Variants in CYBA observed in about 807,000 individuals in gnomAD.
CYBA encodes the protein cytochrome b-245 alpha chain.
CYBA carries 21 observed loss-of-function variants against 20.8 expected under a neutral mutation model. The observed-to-expected ratio is 1.01, with a 90% CI of 0.72 to 1.46. CYBA has a LOEUF of 1.46. Ranked by LOEUF, CYBA falls within the 40% of genes most tolerant of loss-of-function variation. CYBA has a pLI of 0.00. For synonymous variants in CYBA, 164 were observed against 127.5 expected (o/e 1.29, Z -1.93); for missense variants, 344 against 287.0 (o/e 1.20, Z -1.43).
Position 88,643,399 on chromosome 16 carries a change from C to A in CYBA, c.542G>T (p.Gly181Val). 1 of 1,533,832 alleles carries A rather than the reference C, an allele frequency of 6.5e-7. No individual in the cohort carries two copies. The highest frequency in any genetic ancestry group is 8.7e-7 in the Non-Finnish European group (1 of 1,143,190). The change falls in exon 6 of 6, where the codon GGA (glycine) becomes GTA (valine). Residue 181 changes from glycine (G) to valine (V), a missense_variant. Coordinates refer to ENST00000261623, the MANE Select transcript of CYBA (RefSeq NM_000101.4). This position sits in a 1 kb window ranked among gnomAD's most constrained non-coding sequence, Gnocchi z 4.3. ...EAAVAAGGPP[G>V]GPQVNPIPVT... ...CGGGATGGGGTTGACCTGGGGACCT[C>A]CCGGGGGTCCCCCCGCCGCCACCGC... is the stretch of plus-strand genomic sequence containing the variant.
chr16:88,644,964 G>A, intron 5 of CYBA: 1 of 593,946 alleles, frequency 1.7e-6, no homozygotes, highest in Non-Finnish European at 3.0e-6. Flanking sequence ...GCTCCACACG[G>A]CCAGCTCGTG....
Position 88,643,405 on chromosome 16 carries a change from G to T in CYBA, c.536C>A (p.Pro179His), listed in dbSNP as rs1236617177. 2 of 1,534,764 alleles carry T rather than the reference G, an allele frequency of 1.3e-6. No individual in the cohort carries two copies. The highest frequency in any genetic ancestry group is 4.0e-5 in the Admixed American group (2 of 50,366). Residue 179 changes from proline (P) to histidine (H), a missense_variant, in exon 6 of 6, where the codon CCC (proline) becomes CAC (histidine). Physicochemically the swap from Pro to His is moderately conservative, Grantham distance 77. Coordinates refer to ENST00000261623, the MANE Select transcript of CYBA (RefSeq NM_000101.4). This position sits in a 1 kb window ranked among gnomAD's most constrained non-coding sequence, Gnocchi z 4.3. The stretch of plus-strand genomic sequence containing the variant: ...GGGGTTGACCTGGGGACCTCCCGGG[G>T]GTCCCCCCGCCGCCACCGCAGCCTC... ...EEEAAVAAGG[P>H]PGGPQVNPIP... is the part of the protein sequence containing the mutation.
rs2142870052 is a variant in CYBA, at chr16:88,643,554, C to T, written c.387G>A (p.Glu129=). Residue 129 remains glutamate (E), a synonymous_variant, in exon 6 of 6, where the codon GAG becomes GAA. Transcript: ENST00000261623. The surrounding 1 kb of genome is among the most constrained non-coding windows in gnomAD (Gnocchi z 4.3). ...GIYLLAAVRG[E]QWTPIEPKPR... is the part of the protein sequence containing the mutation. Reference sequence around the variant, plus strand: ...GCTTGGGCTCGATGGGCGTCCACTGCTCGCCACGCACAGCCGCCTGCGGGG... The same window carrying T: ...GCTTGGGCTCGATGGGCGTCCACTGTTCGCCACGCACAGCCGCCTGCGGGG... 6.5e-7 allele frequency: 1 copy of T among 1,534,076 alleles called. No homozygotes were observed. The highest frequency in any genetic ancestry group is 1.2e-5 in the South Asian group (1 of 83,978).
At chr16:88,648,017 C>T (rs746151688) in intron 2 of CYBA, 28 bp downstream of exon 2, 2 of 1,603,812 alleles carry the variant, frequency 1.2e-6, no homozygotes, top group Admixed American at 1.7e-5. Context: ...GCGTTCCCCG[C>T]CCACCCCAGC....
chr16:88,646,385 T>C, intron 4 of CYBA, 188 bp from the exon 5 acceptor site: 1 of 185,162 alleles, frequency 5.4e-6, no homozygotes, highest in Non-Finnish European at 1.0e-5. Flanking sequence ...CTAGCGGCTC[T>C]GGTGCACTTG....
In CYBA at chr16:88,647,178, G is replaced by A; in HGVS notation, c.129-3C>T. The A allele has an allele frequency of 6.2e-7, 1 of 1,611,980 alleles. No individual in the cohort carries two copies. Among genetic ancestry groups the A allele is most frequent in the African/African-American group, 1.3e-5 (1 of 75,040 alleles). On this transcript the variant is annotated splice_region_variant and splice_polypyrimidine_tract_variant and intron_variant, in intron 2 of 5. Transcript: ENST00000261623. ...GGCACACAAACACGCCCGCCACACTGAAGCCATGTGGTTAAGGAACAGCCC... is the reference window on the plus strand; with the variant it reads ...GGCACACAAACACGCCCGCCACACTAAAGCCATGTGGTTAAGGAACAGCCC...
chr16:88,644,822 C>G, intron 5 of CYBA: 1 of 306,030 alleles, frequency 3.3e-6, no homozygotes, highest in Non-Finnish European at 6.3e-6. Context: ...GAGACTCCAT[C>G]TCAAAAAAAA....
intron 1 of CYBA, among the ~76,000 whole-genome samples, chr16:88,648,399 G>A (rs756441248): frequency 1.3e-5 from 2 of 150,792 alleles, no homozygotes; most frequent in Non-Finnish European, 3.0e-5. Context: ...GTGGGCTCTG[G>A]GACCCCCAAA....
intron 5 of CYBA, chr16:88,645,677 C>A (rs948990623): frequency 1.8e-6 from 1 of 569,396 alleles, no homozygotes; most frequent in East Asian, 2.9e-5. Context: ...ACGCAGGTGT[C>A]GGCAGTTTAA....
chr16:88,645,059 G>T, intron 5 of CYBA: 2 of 650,654 alleles, frequency 3.1e-6, no homozygotes, highest in Non-Finnish European at 5.6e-6. Flanking sequence ...TGTCTGCTGA[G>T]GAGCAGCTGA....
At chr16:88,648,172 C>A in intron 1 of CYBA, 58 bp from the exon 2 acceptor site, 1 of 1,525,676 alleles carries the variant, frequency 6.6e-7, no homozygotes, top group African/African-American at 1.4e-5. Context: ...CCTGGGCCAC[C>A]CCCCTTCTCT....
At position 88,647,093 on chromosome 16, in the gene CYBA, A is replaced by G. The variant is rs4782393; in HGVS notation, c.203+8T>C. 0.49 allele frequency: 794,455 copies of G among 1,606,018 alleles called. 201,103 individuals carry two copies. The highest frequency in any genetic ancestry group is 0.52 in the Admixed American group (31,257 of 59,642). On this transcript the variant is annotated splice_region_variant and intron_variant, in intron 3 of 5. Coordinates refer to ENST00000261623, the MANE Select transcript of CYBA (RefSeq NM_000101.4). ...CCCGGAGAGACCCCAGAGCAGGAGGAGACTCACCAGCGCTCCATGGTGGAG... is the reference window on the plus strand; with the variant it reads ...CCCGGAGAGACCCCAGAGCAGGAGGGGACTCACCAGCGCTCCATGGTGGAG...
Position 88,643,293 on chromosome 16 carries a change from G to A in CYBA, c.*60C>T, listed in dbSNP as rs560627747. Reference sequence around the variant, plus strand: ...CCCAGGCAGAGGCTCACGCGCTCCCGGCTTCGCTGCATTTATTGCAGGTGG... The same window carrying A: ...CCCAGGCAGAGGCTCACGCGCTCCCAGCTTCGCTGCATTTATTGCAGGTGG... On this transcript the variant is annotated 3_prime_UTR_variant, in exon 6 of 6. Transcript: ENST00000261623. The surrounding 1 kb of genome is among the most constrained non-coding windows in gnomAD (Gnocchi z 4.3). 1.3e-4 allele frequency: 171 copies of A among 1,306,380 alleles called. No homozygotes were observed. Among genetic ancestry groups the A allele is most frequent in the South Asian group, 1.2e-3 (79 of 66,780 alleles). 80.9% of individuals were successfully genotyped at this position (1,306,380 alleles called of 1,614,324 possible).
rs192153195 is a variant in CYBA, at chr16:88,643,758, G to A, written c.370-187C>T. Among the ~76,000 whole-genome samples, 81 of 152,334 alleles carry A rather than the reference G, an allele frequency of 5.3e-4. No individual in the cohort carries two copies. In the Middle Eastern group the frequency reaches 0.017, roughly 32 times the overall value. On this transcript the variant is annotated intron_variant, in intron 5 of 5. Coordinates refer to ENST00000261623, the MANE Select transcript of CYBA (RefSeq NM_000101.4). This position sits in a 1 kb window ranked among gnomAD's most constrained non-coding sequence, Gnocchi z 4.3. The stretch of plus-strand genomic sequence containing the variant: ...AGGCCACACAGCCAGGACCTGGGTC[G>A]GCCTGACACCAGCCCAAGCTATTTC...
At chr16:88,649,112 T>C (rs72558360) in intron 1 of CYBA, among the ~76,000 whole-genome samples, 2 of 151,450 alleles carry the variant, frequency 1.3e-5, no homozygotes, top group Admixed American at 1.3e-4. Flanking sequence ...TAATTTTTTG[T>C]ATTTTTAGTA....
At chr16:88,645,135 A>C in intron 5 of CYBA, 1 of 699,764 alleles carries the variant, frequency 1.4e-6, no homozygotes, top group Middle Eastern at 3.0e-4. Context: ...GGTTTAGCAC[A>C]AGGAATTCCT....
intron 4 of CYBA, 100 bp downstream of exon 4, chr16:88,646,655 G>T: frequency 9.8e-7 from 1 of 1,015,998 alleles, no homozygotes. Context: ...TGAGGTAAGT[G>T]GGGGTGGCTC....
chr16:88,643,726 G>A lies in CYBA; in HGVS notation c.370-155C>T, dbSNP rs1453014396. On this transcript the variant is annotated intron_variant, in intron 5 of 5. Coordinates refer to ENST00000261623, the MANE Select transcript of CYBA (RefSeq NM_000101.4). This position sits in a 1 kb window ranked among gnomAD's most constrained non-coding sequence, Gnocchi z 4.3. Reference sequence around the variant, plus strand: ...CTGCCACTCAGAGAGGTTAAGTGACGCGCCCGAGGCCACACAGCCAGGACC... The same window carrying A: ...CTGCCACTCAGAGAGGTTAAGTGACACGCCCGAGGCCACACAGCCAGGACC... 1.1e-5 allele frequency: 8 copies of A among 738,148 alleles called. No individual in the cohort carries two copies. Among genetic ancestry groups the A allele is most frequent in the East Asian group, 2.9e-5 (1 of 34,556 alleles). The allele number at this position is 738,148 out of a possible 1,614,324, so 45.7% of individuals were successfully genotyped here.
intron 5 of CYBA, chr16:88,645,689 A>T (rs1165392437): frequency 1.8e-6 from 1 of 564,286 alleles, no homozygotes; most frequent in South Asian, 2.1e-5. Context: ...GCAGTTTAAG[A>T]AAATGTCTGC....
Sources: allele counts gnomAD v4.1 joint callset (sites outside exome capture counted in the v4.1 genomes callset), GRCh38; gene constraint gnomAD v4.1.1; non-coding constraint Gnocchi (gnomAD v3.1); transcripts MANE v1.5; gene names NCBI Gene and HGNC (gene_info 2026-07-23, HGNC 2026-07-21).